The following SLC2A4 variants were observed in gnomAD, a reference collection of about 807,000 sequenced individuals.
The protein encoded by SLC2A4 is solute carrier family 2 member 4.
A neutral mutation model predicts 53.3 loss-of-function variants in SLC2A4; 31 were observed. That is an observed-to-expected ratio of 0.58 (90% CI 0.44 to 0.78). The LOEUF (loss-of-function observed/expected upper bound fraction) is 0.78. Ranked by LOEUF, SLC2A4 falls within the 30% of genes least tolerant of loss-of-function variation. The pLI is 0.00. For missense variants in SLC2A4, 538 were observed against 655.7 expected (o/e 0.82, Z 1.96); for synonymous variants, 276 against 281.9 (o/e 0.98, Z 0.21).
In SLC2A4 at chr17:7,281,762, C is replaced by G; in HGVS notation, c.-173C>G. The G allele has an allele frequency of 1.4e-5, 10 of 694,528 alleles. No individual in the cohort carries two copies. The highest frequency in any genetic ancestry group is 2.3e-5 in the Non-Finnish European group (9 of 384,396). 43.0% of individuals were successfully genotyped at this position (694,528 alleles called of 1,614,324 possible). A position where few individuals can be genotyped will look rare whatever the true frequency, so the allele number is the denominator to read the frequency against. ...CTCCACCAGATCCGCGGGAGCCCCA[C>G]TGCTCTCCGGGTCCTTGGCTTGTGG... On this transcript the variant is annotated 5_prime_UTR_variant, in exon 1 of 11. Transcript: ENST00000317370.
chr17:7,286,209 T>C, intron 10 of SLC2A4: 1 of 659,148 alleles, frequency 1.5e-6, no homozygotes, highest in South Asian at 1.8e-5. Flanking sequence ...TAACTGAGGA[T>C]GGTGAAGAGG....
rs2143004783 is a variant in SLC2A4, at chr17:7,283,361, G to T, written c.150G>T (p.Lys50Asn). The T allele has an allele frequency of 6.2e-7, 1 of 1,611,868 alleles. No homozygotes were observed. The highest frequency in any genetic ancestry group is 2.2e-5 in the East Asian group (1 of 44,852). ...YNIGVINAPQ[K>N]VIEQSYNETW... The stretch of plus-strand genomic sequence containing the variant: ...TTGGGGTCATCAATGCCCCTCAGAA[G>T]GTGAGGGCCTGCAGCTGGCAGGGTG... Residue 50 changes from lysine (K) to asparagine (N), a missense_variant and splice_region_variant, in exon 2 of 11, where the codon AAG becomes AAT. By Grantham distance (94) the Lys-to-Asn change is moderately conservative. Coordinates refer to ENST00000317370, the MANE Select transcript of SLC2A4 (RefSeq NM_001042.3). The surrounding 1 kb of genome is among the most constrained non-coding windows in gnomAD (Gnocchi z 5.8).
Position 7,285,713 on chromosome 17 carries a change from T to A in SLC2A4, c.1131T>A (p.Val377=). Residue 377 remains valine (V), a synonymous_variant, in exon 10 of 11, where the codon GTT becomes GTA. Transcript: ENST00000317370. The surrounding 1 kb of genome is among the most constrained non-coding windows in gnomAD (Gnocchi z 6.0). ...MTVALLLLER[V]PAMSYVSIVA... is the part of the protein sequence containing the mutation. ...CCCTGTCTGGCCCCTAGGAGCGAGT[T>A]CCAGCCATGAGCTACGTCTCCATTG... 6.2e-7 allele frequency: 1 copy of A among 1,614,136 alleles called. No homozygotes were observed.
rs1005390437 is a variant in SLC2A4, at chr17:7,282,109, C to A, written c.33+142C>A. 16 of 732,936 alleles carry A rather than the reference C, an allele frequency of 2.2e-5. No individual in the cohort carries two copies. The highest frequency in any genetic ancestry group is 3.4e-5 in the Non-Finnish European group (14 of 417,018). The allele number at this position is 732,936 out of a possible 1,614,324, so 45.4% of individuals were successfully genotyped here. A position where few individuals can be genotyped will look rare whatever the true frequency, so the allele number is the denominator to read the frequency against. ...AGGGGGCTGGCTATTTATACCCGGC[C>A]TGGACAACCCGTGACTGTGAGATTC... On this transcript the variant is annotated intron_variant, in intron 1 of 10. Coordinates refer to ENST00000317370, the MANE Select transcript of SLC2A4 (RefSeq NM_001042.3). This position sits in a 1 kb window ranked among gnomAD's most constrained non-coding sequence, Gnocchi z 4.1.
rs373852501 is a variant in SLC2A4, at chr17:7,285,938, C to G, written c.1326+30C>G. The G allele has an allele frequency of 1.4e-5, 22 of 1,594,388 alleles. No homozygotes were observed. In the Admixed American group the frequency reaches 3.4e-4, roughly 24 times the overall value. ...GTCCCCCCGCCCCAGCCTCCCACAC[C>G]GTAGGCCAGAGGTGGGCATCACACA... On this transcript the variant is annotated intron_variant, in intron 10 of 10. Coordinates refer to ENST00000317370, the MANE Select transcript of SLC2A4 (RefSeq NM_001042.3). This position sits in a 1 kb window ranked among gnomAD's most constrained non-coding sequence, Gnocchi z 6.0.
At position 7,285,243 on chromosome 17, in the gene SLC2A4, G is replaced by A. The variant is rs1003034743; in HGVS notation, c.1122+54G>A. ...CAGCCCACCCCATGGGAATGGTCCT[G>A]TGAGTCTCTGTGACCAGCCAGGGTC... On this transcript the variant is annotated intron_variant, in intron 9 of 10. Transcript: ENST00000317370. The surrounding 1 kb of genome is among the most constrained non-coding windows in gnomAD (Gnocchi z 6.0). The A allele has an allele frequency of 3.6e-6, 5 of 1,400,028 alleles. No homozygotes were observed. Among genetic ancestry groups the A allele is most frequent in the South Asian group, 1.2e-5 (1 of 81,780 alleles). 86.7% of individuals were successfully genotyped at this position (1,400,028 alleles called of 1,614,324 possible).
chr17:7,283,149 A>T lies in SLC2A4; in HGVS notation c.34-96A>T. The T allele has an allele frequency of 2.1e-6, 2 of 933,188 alleles. No homozygotes were observed. Among genetic ancestry groups the T allele is most frequent in the South Asian group, 2.6e-5 (2 of 76,992 alleles). The allele number at this position is 933,188 out of a possible 1,614,324, so 57.8% of individuals were successfully genotyped here. ...TCACCCAACATGTTGGGTGGAGCCC[A>T]GTATCTTCAGGCTCCAGCTGGGCCC... is the stretch of plus-strand genomic sequence containing the variant. On this transcript the variant is annotated intron_variant, in intron 1 of 10. Coordinates refer to ENST00000317370, the MANE Select transcript of SLC2A4 (RefSeq NM_001042.3). The surrounding 1 kb of genome is among the most constrained non-coding windows in gnomAD (Gnocchi z 5.8).
intron 10 of SLC2A4, 108 bp downstream of exon 10, chr17:7,286,016 C>A: frequency 9.4e-7 from 1 of 1,058,336 alleles, no homozygotes; most frequent in Non-Finnish European, 1.4e-6. Flanking sequence ...GACCATGGGT[C>A]TTTGGGTCAG....
Position 7,285,601 on chromosome 17 carries a change from C to A in SLC2A4, c.1123-104C>A. On this transcript the variant is annotated intron_variant, in intron 9 of 10. Transcript: ENST00000317370. This position sits in a 1 kb window ranked among gnomAD's most constrained non-coding sequence, Gnocchi z 6.0. ...CTAACCCGGGACAGCAGGCCCCCTA[C>A]AAGCTGCTGCGGAGGGGGTTAGGTT... 2 of 1,128,060 alleles carry A rather than the reference C, an allele frequency of 1.8e-6. No homozygotes were observed. The highest frequency in any genetic ancestry group is 2.1e-4 in the Middle Eastern group (1 of 4,862). 69.9% of individuals were successfully genotyped at this position (1,128,060 alleles called of 1,614,324 possible). A position where few individuals can be genotyped will look rare whatever the true frequency, so the allele number is the denominator to read the frequency against.
chr17:7,283,418 G>C lies in SLC2A4; in HGVS notation c.151-55G>C. On this transcript the variant is annotated intron_variant, in intron 2 of 10. Transcript: ENST00000317370. This position sits in a 1 kb window ranked among gnomAD's most constrained non-coding sequence, Gnocchi z 5.8. ...CCCAAACGAGGAGGACAGGTGTCTCGGGGGTGGTGGAAAGGGGACGGTCTG... is the reference window on the plus strand; with the variant it reads ...CCCAAACGAGGAGGACAGGTGTCTCCGGGGTGGTGGAAAGGGGACGGTCTG... 1 of 1,611,936 alleles carries C rather than the reference G, an allele frequency of 6.2e-7. No homozygotes were observed. Among genetic ancestry groups the C allele is most frequent in the Non-Finnish European group, 8.5e-7 (1 of 1,178,730 alleles).
In SLC2A4 at chr17:7,287,079, C is replaced by G. The variant is rs1183958384; in HGVS notation, c.*450C>G. 6.0e-6 allele frequency: 1 copy of G among 167,340 alleles called. No individual in the cohort carries two copies. The highest frequency in any genetic ancestry group is 2.5e-5 in the African/African-American group (1 of 40,716). The allele number at this position is 167,340 out of a possible 1,614,324, so 10.4% of individuals were successfully genotyped here. A position where few individuals can be genotyped will look rare whatever the true frequency, so the allele number is the denominator to read the frequency against. On this transcript the variant is annotated 3_prime_UTR_variant, in exon 11 of 11. Coordinates refer to ENST00000317370, the MANE Select transcript of SLC2A4 (RefSeq NM_001042.3). The stretch of plus-strand genomic sequence containing the variant: ...GACTCCTCCCACAATCTGGGACTTT[C>G]ACTGAATTCTTGCCACGCAGACTCT...
Position 7,281,983 on chromosome 17 carries a change from AGGGGGCGGGGCGGGG to A in SLC2A4, c.33+20_33+34del. 1.9e-5 allele frequency: 4 copies of A among 211,768 alleles called. No individual in the cohort carries two copies. Among genetic ancestry groups the A allele is most frequent in the Non-Finnish European group, 3.7e-5 (4 of 108,106 alleles). The allele number at this position is 211,768 out of a possible 1,614,324, so 13.1% of individuals were successfully genotyped here. A position where few individuals can be genotyped will look rare whatever the true frequency, so the allele number is the denominator to read the frequency against. On this transcript the variant is annotated intron_variant, in intron 1 of 10. Coordinates refer to ENST00000317370, the MANE Select transcript of SLC2A4 (RefSeq NM_001042.3). Reference sequence around the variant, plus strand: ...AGGCTCCGAAGTAGGATTCATCATGAGGGGGCGGGGCGGGGGGGCACGGGTCCCGCTTTTCTTGGG... The same window carrying A: ...AGGCTCCGAAGTAGGATTCATCATGAGGGCACGGGTCCCGCTTTTCTTGGG...
In SLC2A4 at chr17:7,286,469, T is replaced by G. The variant is rs1597601082; in HGVS notation, c.1370T>G (p.Leu457Arg). 6.2e-7 allele frequency: 1 copy of G among 1,614,112 alleles called. No homozygotes were observed. The highest frequency in any genetic ancestry group is 1.7e-5 in the Admixed American group (1 of 60,010). The change falls in exon 11 of 11, where the codon CTG becomes CGG. Residue 457 changes from leucine (L) to arginine (R), a missense_variant. Transcript: ENST00000317370. ...PYVFLLFAVL[L>R]LGFFIFTFLR... ...GTCTTCCTTCTATTTGCGGTCCTCC[T>G]GCTGGGCTTCTTCATCTTCACCTTC...
At position 7,285,536 on chromosome 17, in the gene SLC2A4, C is replaced by T. The variant is rs2072442432; in HGVS notation, c.1123-169C>T. 6.6e-6 allele frequency among the ~76,000 whole-genome samples: 1 copy of T among 152,192 alleles called. No individual in the cohort carries two copies. Among genetic ancestry groups the T allele is most frequent in the African/African-American group, 2.4e-5 (1 of 41,450 alleles). ...CATAACATTTCCTCTGCCTTGAACCCACTTGGGATAGCCAGCAGAATGCCA... is the reference window on the plus strand; with the variant it reads ...CATAACATTTCCTCTGCCTTGAACCTACTTGGGATAGCCAGCAGAATGCCA... On this transcript the variant is annotated intron_variant, in intron 9 of 10. Transcript: ENST00000317370. This position sits in a 1 kb window ranked among gnomAD's most constrained non-coding sequence, Gnocchi z 6.0.
Position 7,287,115 on chromosome 17 carries a change from G to GGTTCTCTTTTTTTTTTTTTTTTTT in SLC2A4, c.*486_*487insGTTCTCTTTTTTTTTTTTTTTTTT, listed in dbSNP as rs542749322. On this transcript the variant is annotated 3_prime_UTR_variant, in exon 11 of 11. Transcript: ENST00000317370. Reference sequence around the variant, plus strand: ...TGCCACGCAGACTCTGGGCAAAGGGGTTTTTTTTTTTTTTTTTTTTTTTTT... The same window carrying GGTTCTCTTTTTTTTTTTTTTTTTT: ...TGCCACGCAGACTCTGGGCAAAGGGGGTTCTCTTTTTTTTTTTTTTTTTTTTTTTTTTTTTTTTTTTTTTTTTTT... The GGTTCTCTTTTTTTTTTTTTTTTTT allele has an allele frequency of 1.0e-5, 1 of 97,696 alleles. No individual in the cohort carries two copies. The highest frequency in any genetic ancestry group is 4.2e-5 in the African/African-American group (1 of 23,918). 6.1% of individuals were successfully genotyped at this position (97,696 alleles called of 1,614,324 possible). A position where few individuals can be genotyped will look rare whatever the true frequency, so the allele number is the denominator to read the frequency against.
Position 7,284,401 on chromosome 17 carries a change from T to C in SLC2A4, c.727+22T>C. 1 of 1,614,122 alleles carries C rather than the reference T, an allele frequency of 6.2e-7. No homozygotes were observed. The highest frequency in any genetic ancestry group is 8.5e-7 in the Non-Finnish European group (1 of 1,180,006). On this transcript the variant is annotated intron_variant, in intron 6 of 10. Coordinates refer to ENST00000317370, the MANE Select transcript of SLC2A4 (RefSeq NM_001042.3). This position sits in a 1 kb window ranked among gnomAD's most constrained non-coding sequence, Gnocchi z 7.5. ...AAGAGTAAGCTCTCCCGCTGCAGCCTGGCCCAGGCCCATGCCTCCGCCTCA... is the reference window on the plus strand; with the variant it reads ...AAGAGTAAGCTCTCCCGCTGCAGCCCGGCCCAGGCCCATGCCTCCGCCTCA...
chr17:7,284,787 G>A lies in SLC2A4; in HGVS notation c.916-48G>A, dbSNP rs757118529. 1.2e-6 allele frequency: 2 copies of A among 1,613,104 alleles called. No individual in the cohort carries two copies. Among genetic ancestry groups the A allele is most frequent in the Non-Finnish European group, 1.7e-6 (2 of 1,179,150 alleles). ...GGGCCAGCCTGTTGTGGCTGGAGTA[G>A]AGGAAGGGGCATTCCTGCCATCACT... On this transcript the variant is annotated intron_variant, in intron 7 of 10. Transcript: ENST00000317370. The surrounding 1 kb of genome is among the most constrained non-coding windows in gnomAD (Gnocchi z 7.5).
At position 7,282,542 on chromosome 17, in the gene SLC2A4, T is replaced by C. The variant is rs222849; in HGVS notation, c.33+575T>C. 0.67 allele frequency: 266,220 copies of C among 396,912 alleles called. 90,640 individuals carry two copies. Among genetic ancestry groups the C allele is most frequent in the African/African-American group, 0.86 (41,879 of 48,732 alleles). 24.6% of individuals were successfully genotyped at this position (396,912 alleles called of 1,614,324 possible). On this transcript the variant is annotated intron_variant, in intron 1 of 10. Coordinates refer to ENST00000317370, the MANE Select transcript of SLC2A4 (RefSeq NM_001042.3). This position sits in a 1 kb window ranked among gnomAD's most constrained non-coding sequence, Gnocchi z 4.1. ...CCACCACTGCCACCGCCCCTCACACTACCTTCCTGCCCTCCTCCCCTGGGC... is the reference window on the plus strand; with the variant it reads ...CCACCACTGCCACCGCCCCTCACACCACCTTCCTGCCCTCCTCCCCTGGGC...
At position 7,281,842 on chromosome 17, in the gene SLC2A4, CCGCAGGTTCTGCG is replaced by C. The variant is rs2072404201; in HGVS notation, c.-91_-79del. On this transcript the variant is annotated 5_prime_UTR_variant, in exon 1 of 11. Coordinates refer to ENST00000317370, the MANE Select transcript of SLC2A4 (RefSeq NM_001042.3). ...CGTCACTCCGGGACCCCCGCGGCCTCCGCAGGTTCTGCGCTCCAGGCCGGAGTCAGAGACTCCA... is the reference window on the plus strand; with the variant it reads ...CGTCACTCCGGGACCCCCGCGGCCTCCTCCAGGCCGGAGTCAGAGACTCCA... The C allele has an allele frequency of 7.2e-7, 1 of 1,392,450 alleles. No individual in the cohort carries two copies. 86.3% of individuals were successfully genotyped at this position (1,392,450 alleles called of 1,614,324 possible).
Sources: allele counts gnomAD v4.1 joint callset (sites outside exome capture counted in the v4.1 genomes callset), GRCh38; gene constraint gnomAD v4.1.1; non-coding constraint Gnocchi (gnomAD v3.1); transcripts MANE v1.5; gene names NCBI Gene and HGNC (gene_info 2026-07-23, HGNC 2026-07-21).